Variants in NUP160 observed in about 807,000 individuals in gnomAD.
NUP160 encodes the protein nuclear pore complex protein Nup160.
NUP160 carries 94 observed loss-of-function variants against 196.9 expected under a neutral mutation model. The ratio of observed to expected loss-of-function variants is 0.48; its 90% CI spans 0.40 to 0.57. The LOEUF is 0.57. NUP160 is among the 20% of genes least tolerant of loss of function. The probability of loss-of-function intolerance (pLI) is 0.00; values close to 1 mark genes in which losing one functional copy is unlikely to be tolerated. For missense variants in NUP160, 1,638 were observed against 1,748.3 expected (o/e 0.94, Z 1.13); for synonymous variants, 605 against 619.7 (o/e 0.98, Z 0.35).
chr11:47,839,418 T>A (rs545548123), intron 4 of NUP160: 7 of 168,984 alleles, frequency 4.1e-5, no homozygotes, highest in Non-Finnish European at 9.0e-5. Context: ...TCAGTCCACC[T>A]GAGAAGTGTC....
intron 7 of NUP160, among the ~76,000 whole-genome samples, chr11:47,829,458 A>G (rs1852033673): frequency 6.6e-6 from 1 of 152,132 alleles, no homozygotes; most frequent in African/African-American, 2.4e-5. Flanking sequence ...GGCACGTGCC[A>G]CCATGCCCGG....
At chr11:47,782,445 A>G (rs1346162692) in intron 34 of NUP160, among the ~76,000 whole-genome samples, 1 of 149,366 alleles carries the variant, frequency 6.7e-6, no homozygotes, top group African/African-American at 2.5e-5. Context: ...TTGAAAATAC[A>G]TATAATACAT....
exon 4 of NUP160, chr11:47,839,887 G>A: frequency 5.6e-6 from 9 of 1,614,152 alleles, no homozygotes; most frequent in Non-Finnish European, 7.6e-6. Context: ...GATTCCCCCA[G>A]AAGCACATGG....
chr11:47,836,095 A>G (rs1183656701), intron 6 of NUP160, among the ~76,000 whole-genome samples: 5 of 152,118 alleles, frequency 3.3e-5, no homozygotes, highest in Non-Finnish European at 7.4e-5. Flanking sequence ...AAAAAATACA[A>G]AAATTAGCCA....
At chr11:47,847,504 C>G (rs558032501) in intron 2 of NUP160, among the ~76,000 whole-genome samples, 1 of 152,004 alleles carries the variant, frequency 6.6e-6, no homozygotes, top group East Asian at 1.9e-4. Context: ...TATTGAAGCT[C>G]GAACGTATTT....
intron 27 of NUP160, among the ~76,000 whole-genome samples, chr11:47,794,096 T>G (rs545818440): frequency 6.6e-6 from 1 of 152,214 alleles, no homozygotes; most frequent in South Asian, 2.1e-4. Flanking sequence ...AACAAGTAGT[T>G]GTTTAATGGG....
At chr11:47,782,289 TAAAAA>T (rs1164772188) in intron 34 of NUP160, among the ~76,000 whole-genome samples, 1,368 of 31,042 alleles carry the variant, frequency 0.044, 30 homozygotes, top group South Asian at 0.065. Flanking sequence ...AAAACTCAGT[TAAAAA>T]AAAAAAAAAA....
chr11:47,822,028 G>T, intron 8 of NUP160, 59 bp downstream of exon 8: 1 of 1,160,556 alleles, frequency 8.6e-7, no homozygotes, highest in Non-Finnish European at 1.3e-6. Context: ...CCATAACAGA[G>T]TTAGTCAATA....
chr11:47,836,907 G>A (rs1428394003), exon 6 of NUP160: 8 of 1,607,560 alleles, frequency 5.0e-6, no homozygotes, highest in Non-Finnish European at 4.3e-6. Context: ...CACATTCGTA[G>A]TTTATGATCC....
In NUP160 at chr11:47,792,648, A is replaced by AT. The variant is rs570654059; in HGVS notation, c.3450+137dup. 362 of 815,046 alleles carry AT rather than the reference A, an allele frequency of 4.4e-4. 1 individual carries two copies. Among genetic ancestry groups the AT allele is most frequent in the Admixed American group, 1.8e-3 (65 of 36,862 alleles). 50.5% of individuals were successfully genotyped at this position (815,046 alleles called of 1,614,324 possible). A position where few individuals can be genotyped will look rare whatever the true frequency, so the allele number is the denominator to read the frequency against. On this transcript the variant is annotated intron_variant, in intron 28 of 35. Transcript: ENST00000378460. ...TACAACAATTGAATTGTAAACATAG[A>AT]TTTTTTTCACAAATATCTCAGTAGA... is the stretch of plus-strand genomic sequence containing the variant.
Position 47,786,487 on chromosome 11 carries a change from G to A in NUP160, c.3814C>T (p.Gln1272Ter). 6.2e-7 allele frequency: 1 copy of A among 1,613,906 alleles called. No homozygotes were observed. Among genetic ancestry groups the A allele is most frequent in the Non-Finnish European group, 8.5e-7 (1 of 1,179,804 alleles). ...TTAGTAGTGATGACAGATGAGAGCT[G>A]ATTGGCTGCTAGCCAGGCCCAGGCT... Residue 1272 changes from glutamine to a stop codon, truncating the protein, a stop_gained, in exon 32 of 36, where the codon CAG becomes TAG. Coordinates refer to ENST00000378460, the Ensembl canonical transcript of NUP160. LOFTEE classifies it high-confidence loss of function.
chr11:47,792,804 C>G (rs776481655), exon 28 of NUP160: 1 of 1,613,360 alleles, frequency 6.2e-7, no homozygotes, highest in Non-Finnish European at 8.5e-7. Flanking sequence ...CAGACACTGG[C>G]TGCACAATCC....
intron 24 of NUP160, 52 bp downstream of exon 24, chr11:47,798,316 C>T: frequency 7.8e-6 from 12 of 1,537,158 alleles, no homozygotes; most frequent in Non-Finnish European, 1.1e-5. Flanking sequence ...ATGAACATAC[C>T]ACACCCACAA....
chr11:47,804,298 T>G (rs2097676173), intron 21 of NUP160: 1 of 392,576 alleles, frequency 2.5e-6, no homozygotes, highest in Admixed American at 4.7e-5. Flanking sequence ...TTTAAAAGCC[T>G]TTAGAACCAG....
intron 2 of NUP160, among the ~76,000 whole-genome samples, chr11:47,844,201 T>C (rs1303056133): frequency 2.6e-5 from 4 of 152,210 alleles, no homozygotes; most frequent in Admixed American, 6.5e-5. Context: ...GCCACCATCA[T>C]GTGTGAATTG....
At chr11:47,811,596 G>A (rs1353473041) in intron 17 of NUP160, among the ~76,000 whole-genome samples, 1 of 152,088 alleles carries the variant, frequency 6.6e-6, no homozygotes, top group Non-Finnish European at 1.5e-5. Flanking sequence ...TACATTTTGG[G>A]AGAGCCAACT....
exon 33 of NUP160, chr11:47,784,971 A>G (rs1276370780): frequency 6.2e-7 from 1 of 1,605,676 alleles, no homozygotes; most frequent in Admixed American, 1.7e-5. Flanking sequence ...ATGAGACAAG[A>G]GCTTGTTGAT....
intron 11 of NUP160, among the ~76,000 whole-genome samples, chr11:47,816,772 C>A (rs1467142508): frequency 2.8e-5 from 2 of 70,818 alleles, no homozygotes; most frequent in African/African-American, 9.7e-5. Flanking sequence ...CGAGACCCTG[C>A]CTCAAAGGGA....
intron 11 of NUP160, among the ~76,000 whole-genome samples, chr11:47,816,908 T>C (rs1335489434): frequency 6.6e-6 from 1 of 151,640 alleles, no homozygotes; most frequent in African/African-American, 2.4e-5. Flanking sequence ...CCTCCCAAAG[T>C]GCTGAGATTA....
Sources: gnomAD v4.1 joint callset for allele counts (sites outside exome capture counted in the v4.1 genomes callset) on GRCh38, gnomAD v4.1.1 for gene constraint, MANE v1.5 for transcripts, NCBI Gene and HGNC (gene_info 2026-07-23, HGNC 2026-07-21) for gene names.